SULT1E1: variants seen among roughly 807,000 people sequenced by gnomAD.
SULT1E1 encodes the protein sulfotransferase 1E1.
A neutral mutation model predicts 33.6 loss-of-function variants in SULT1E1; 36 were observed. The ratio of observed to expected loss-of-function variants is 1.07; its 90% CI spans 0.82 to 1.41. The LOEUF (loss-of-function observed/expected upper bound fraction) is 1.41. Ranked by LOEUF, SULT1E1 falls within the 40% of genes most tolerant of loss-of-function variation. SULT1E1 has a pLI of 0.00. For missense variants in SULT1E1, 371 were observed against 345.7 expected, an observed-to-expected ratio of 1.07 and a Z score of -0.58; for synonymous variants, 121 against 111.7, an observed-to-expected ratio of 1.08 and a Z score of -0.53.
At chr4:69,848,703 A>G (rs1478072670) in intron 5 of SULT1E1, among the ~76,000 whole-genome samples, 3 of 151,980 alleles carry the variant, frequency 2.0e-5, no homozygotes, top group Non-Finnish European at 1.5e-5. Flanking sequence ...AAGCACATAT[A>G]CCTTATTTGT....
At chr4:69,821,593 G>A in the SULT1E1 span, among the ~76,000 whole-genome samples, 18 of 152,086 alleles carry the variant, frequency 1.2e-4, no homozygotes, top group Admixed American at 1.2e-3. Flanking sequence ...AAGATCCATG[G>A]CCATCATATC....
intron 3 of SULT1E1, 83 bp downstream of exon 3, chr4:69,855,218 G>T: frequency 7.1e-7 from 1 of 1,406,438 alleles, no homozygotes; most frequent in East Asian, 2.4e-5. Flanking sequence ...TGCCATTCTT[G>T]CTTATAATCT....
At chr4:69,826,940 C>T in the SULT1E1 span, among the ~76,000 whole-genome samples, 1 of 151,968 alleles carries the variant, frequency 6.6e-6, no homozygotes, top group Admixed American at 6.6e-5. Flanking sequence ...TGATAAGCCT[C>T]CTCTAATCTC....
chr4:69,858,080 A>G (rs901791337), intron 1 of SULT1E1, among the ~76,000 whole-genome samples: 1 of 152,148 alleles, frequency 6.6e-6, no homozygotes, highest in African/African-American at 2.4e-5. Context: ...AGATCATTAC[A>G]TTTGATTATT....
chr4:69,851,380 G>T lies in SULT1E1; in HGVS notation c.370-1817C>A, dbSNP rs932245734. ...CAACAGACACATGAAAAAATGCTCA[G>T]CATCACTGGCCATCAGAGAAATGCA... On this transcript the variant is annotated intron_variant, in intron 4 of 7. Transcript: ENST00000226444. Among the ~76,000 whole-genome samples, 5 of 152,120 alleles carry T rather than the reference G, an allele frequency of 3.3e-5. No individual in the cohort carries two copies. In the South Asian group the frequency reaches 8.3e-4, roughly 25 times the overall value.
intron 6 of SULT1E1, among the ~76,000 whole-genome samples, chr4:69,846,312 A>AC (rs1024923194): frequency 1.1e-4 from 17 of 149,094 alleles, no homozygotes; most frequent in Non-Finnish European, 2.2e-4. Flanking sequence ...AATCAAAAAA[A>AC]AAAAAAAAAA....
chr4:69,859,214 A>C (rs143037570), intron 1 of SULT1E1, among the ~76,000 whole-genome samples: 654 of 152,092 alleles, frequency 4.3e-3, no homozygotes, highest in Non-Finnish European at 6.7e-3. Context: ...TAAACTCAGA[A>C]AGTGTTTTTC....
chr4:69,859,669 A>G (rs1721322869), intron 1 of SULT1E1, among the ~76,000 whole-genome samples: 1 of 152,074 alleles, frequency 6.6e-6, no homozygotes, highest in African/African-American at 2.4e-5. Flanking sequence ...TAATGCCCCT[A>G]TTTGCAAGAC....
intron 6 of SULT1E1, among the ~76,000 whole-genome samples, chr4:69,845,042 C>A (rs540100926): frequency 2.6e-5 from 4 of 151,952 alleles, no homozygotes; most frequent in Non-Finnish European, 5.9e-5. Context: ...AGGATAATAT[C>A]CTTGGCTATT....
chr4:69,858,032 G>T lies in SULT1E1; in HGVS notation c.-9-379C>A, dbSNP rs11573748. On this transcript the variant is annotated intron_variant, in intron 1 of 7. Transcript: ENST00000226444. ...GAGGTCCAGAATTACAGTTATTTTA[G>T]CAAATTATCCAATTATGTATATGTC... 2.7e-3 allele frequency among the ~76,000 whole-genome samples: 413 copies of T among 152,178 alleles called. 2 individuals are homozygous for T. Among genetic ancestry groups the T allele is most frequent in the African/African-American group, 9.7e-3 (404 of 41,536 alleles).
At chr4:69,850,455 A>G (rs1401419560) in intron 4 of SULT1E1, among the ~76,000 whole-genome samples, 2 of 152,042 alleles carry the variant, frequency 1.3e-5, no homozygotes, top group Non-Finnish European at 2.9e-5. Context: ...TACTGATGAC[A>G]TTTTCTAACA....
At chr4:69,854,576 TAA>T (rs1340117406) in intron 3 of SULT1E1, among the ~76,000 whole-genome samples, 1 of 151,832 alleles carries the variant, frequency 6.6e-6, no homozygotes, top group African/African-American at 2.4e-5. Context: ...AATTAAAAAT[TAA>T]AAGATTCTAT....
downstream of SULT1E1, among the ~76,000 whole-genome samples, chr4:69,836,677 A>G (rs1720803705): frequency 6.6e-6 from 1 of 152,202 alleles, no homozygotes; most frequent in Admixed American, 6.5e-5. Context: ...TGCAGTCTAA[A>G]TGAAACATAT....
chr4:69,837,137 T>G (rs922549269), downstream of SULT1E1, among the ~76,000 whole-genome samples: 1 of 152,144 alleles, frequency 6.6e-6, no homozygotes, highest in Non-Finnish European at 1.5e-5. Flanking sequence ...GAAATTACCA[T>G]TTATTGAGCA....
chr4:69,848,833 C>T (rs1191389114), intron 5 of SULT1E1, among the ~76,000 whole-genome samples: 2 of 151,754 alleles, frequency 1.3e-5, no homozygotes, highest in Admixed American at 1.3e-4. Flanking sequence ...CCCTTTCTTC[C>T]TCAAATCTAA....
At chr4:69,835,883 A>G in the SULT1E1 span, among the ~76,000 whole-genome samples, 7 of 152,190 alleles carry the variant, frequency 4.6e-5, no homozygotes, top group East Asian at 1.9e-4. Context: ...GCCTCAAGCT[A>G]TTCTCCCTCC....
the SULT1E1 span, among the ~76,000 whole-genome samples, chr4:69,833,840 C>T: frequency 2.0e-5 from 3 of 152,140 alleles, no homozygotes; most frequent in African/African-American, 4.8e-5. Flanking sequence ...CTCACTACTC[C>T]ACTATCATTT....
chr4:69,852,273 C>A (rs778684605), intron 4 of SULT1E1, among the ~76,000 whole-genome samples: 14 of 152,088 alleles, frequency 9.2e-5, no homozygotes, highest in Admixed American at 6.5e-5. Context: ...CATTCAAATT[C>A]TTTTATCATT....
Position 69,841,920 on chromosome 4 carries a change from C to T in SULT1E1, c.*74G>A. On this transcript the variant is annotated 3_prime_UTR_variant, in exon 8 of 8. Coordinates refer to ENST00000226444, the MANE Select transcript of SULT1E1 (RefSeq NM_005420.3). Reference sequence around the variant, plus strand: ...CCATGATTATGTCTTTTCTAGCAATCTAAAATAAGAAAAAGTGGAGAATAA... The same window carrying T: ...CCATGATTATGTCTTTTCTAGCAATTTAAAATAAGAAAAAGTGGAGAATAA... 1 of 793,822 alleles carries T rather than the reference C, an allele frequency of 1.3e-6. No individual in the cohort carries two copies. The highest frequency in any genetic ancestry group is 1.8e-5 in the African/African-American group (1 of 54,690). The allele number at this position is 793,822 out of a possible 1,614,324, so 49.2% of individuals were successfully genotyped here.
Sources: gnomAD v4.1 joint callset for allele counts (sites outside exome capture counted in the v4.1 genomes callset) on GRCh38, gnomAD v4.1.1 for gene constraint, MANE v1.5 for transcripts, NCBI Gene and HGNC (gene_info 2026-07-23, HGNC 2026-07-21) for gene names.